RIMS1: variants seen among roughly 807,000 people sequenced by gnomAD.
The protein encoded by RIMS1 is regulating synaptic membrane exocytosis protein 1.
A neutral mutation model predicts 214.1 loss-of-function variants in RIMS1; 83 were observed. The ratio of observed to expected loss-of-function variants is 0.39; its 90% CI spans 0.32 to 0.47. The LOEUF (loss-of-function observed/expected upper bound fraction) is 0.47. RIMS1 is among the 20% of genes least tolerant of loss of function. The probability of loss-of-function intolerance (pLI) is 0.99; values close to 1 mark genes in which losing one functional copy is unlikely to be tolerated. For missense variants in RIMS1, 2,050 were observed against 2,161.8 expected (o/e 0.95, Z 1.03); for synonymous variants, 793 against 786.8 (o/e 1.01, Z -0.13).
chr6:72,290,929 C>T, intron 25 of RIMS1, 68 bp downstream of exon 25: 1 of 1,429,218 alleles, frequency 7.0e-7, no homozygotes, highest in South Asian at 1.3e-5. Flanking sequence ...GTTGTACCTT[C>T]CTGAGCACTT....
At chr6:72,250,896 T>C in intron 13 of RIMS1, 25 bp from the exon 14 acceptor site, 2 of 1,394,080 alleles carry the variant, frequency 1.4e-6, no homozygotes. Context: ...TGCTTTTTCA[T>C]TTACAAAACA....
intron 6 of RIMS1, among the ~76,000 whole-genome samples, chr6:72,188,674 T>C (rs1325142875): frequency 6.6e-6 from 1 of 152,174 alleles, no homozygotes; most frequent in Non-Finnish European, 1.5e-5. Context: ...CAGTTTGTGG[T>C]TTTTTACCTG....
In RIMS1 at chr6:72,263,594, T is replaced by C. The variant is rs188247137; in HGVS notation, c.3117-1381T>C. 1.3e-5 allele frequency: 13 copies of C among 985,252 alleles called. No individual in the cohort carries two copies. The African/African-American group carries it at 1.9e-4, about 15-fold the overall frequency. The allele number at this position is 985,252 out of a possible 1,614,324, so 61.0% of individuals were successfully genotyped here. On this transcript the variant is annotated intron_variant, in intron 19 of 33. Coordinates refer to ENST00000521978, the MANE Select transcript of RIMS1 (RefSeq NM_014989.7). ...ACTTTTGAAGCAATGCTTAGAAAAGTTTTATAGCAACCTATTACTAAAGAT... is the reference window on the plus strand; with the variant it reads ...ACTTTTGAAGCAATGCTTAGAAAAGCTTTATAGCAACCTATTACTAAAGAT...
chr6:72,339,231 C>G (rs1400626505), intron 29 of RIMS1, among the ~76,000 whole-genome samples: 1 of 151,712 alleles, frequency 6.6e-6, no homozygotes, highest in African/African-American at 2.4e-5. Context: ...CAAGGAAGGA[C>G]TTTGCACAAC....
intron 2 of RIMS1, among the ~76,000 whole-genome samples, chr6:72,040,828 T>C (rs1382647321): frequency 6.6e-6 from 1 of 151,932 alleles, no homozygotes; most frequent in Non-Finnish European, 1.5e-5. Flanking sequence ...AAATTTGAAC[T>C]TTAATTTTAT....
At chr6:72,263,563 A>C in intron 19 of RIMS1, 1 of 985,386 alleles carries the variant, frequency 1.0e-6, no homozygotes, top group Non-Finnish European at 1.2e-6. Flanking sequence ...TCTTGAAAAA[A>C]AAATCACTTT....
At chr6:72,118,139 T>C (rs2037454943) in intron 4 of RIMS1, among the ~76,000 whole-genome samples, 1 of 150,136 alleles carries the variant, frequency 6.7e-6, no homozygotes, top group African/African-American at 2.4e-5. Flanking sequence ...AAAGCTACTA[T>C]AAAAACCATT....
At chr6:72,029,489 A>C (rs147902581) in intron 2 of RIMS1, among the ~76,000 whole-genome samples, 121 of 152,274 alleles carry the variant, frequency 7.9e-4, no homozygotes, top group African/African-American at 2.7e-3. Flanking sequence ...CTGACATGTA[A>C]GGACACAGCA....
chr6:71,887,546 G>C (rs1011121727), intron 1 of RIMS1, among the ~76,000 whole-genome samples: 3 of 152,284 alleles, frequency 2.0e-5, no homozygotes, highest in South Asian at 2.1e-4. Flanking sequence ...AGCAGGTTAG[G>C]GGGCAGGGGA....
intron 23 of RIMS1, among the ~76,000 whole-genome samples, chr6:72,275,067 A>G (rs1298086431): frequency 1.4e-5 from 2 of 144,876 alleles, no homozygotes; most frequent in Non-Finnish European, 3.0e-5. Flanking sequence ...TATATTTTCC[A>G]TTACTTTGTT....
intron 29 of RIMS1, among the ~76,000 whole-genome samples, chr6:72,342,206 T>C (rs1438431884): frequency 6.6e-6 from 1 of 151,858 alleles, no homozygotes; most frequent in Non-Finnish European, 1.5e-5. Context: ...ACTGTCAACT[T>C]GCTGCCCACT....
intron 6 of RIMS1, among the ~76,000 whole-genome samples, chr6:72,231,750 A>T (rs1488409377): frequency 6.6e-6 from 1 of 151,674 alleles, no homozygotes; most frequent in Non-Finnish European, 1.5e-5. Flanking sequence ...TCACCATTGA[A>T]TCTTACCCAG....
chr6:72,313,891 T>C (rs2095634913), intron 28 of RIMS1, among the ~76,000 whole-genome samples: 3 of 152,234 alleles, frequency 2.0e-5, no homozygotes, highest in Admixed American at 2.0e-4. Flanking sequence ...CTGAGTCACA[T>C]TTGTAGTAGT....
intron 22 of RIMS1, 100 bp from the exon 23 acceptor site, chr6:72,274,249 T>A: frequency 2.8e-6 from 2 of 701,812 alleles, no homozygotes; most frequent in Non-Finnish European, 4.9e-6. Flanking sequence ...ACACTTTGCC[T>A]TTATGGGGTG....
At chr6:72,138,803 C>A (rs1385944010) in intron 4 of RIMS1, among the ~76,000 whole-genome samples, 1 of 152,010 alleles carries the variant, frequency 6.6e-6, no homozygotes. Context: ...ACTAATAACA[C>A]CCAGTGTTGT....
intron 4 of RIMS1, among the ~76,000 whole-genome samples, chr6:72,148,411 C>G (rs2043040541): frequency 6.6e-6 from 1 of 152,152 alleles, no homozygotes; most frequent in Admixed American, 6.5e-5. Flanking sequence ...CCCATTTTCT[C>G]TTCTATCCTT....
At chr6:72,123,914 G>A (rs1423274968) in intron 4 of RIMS1, among the ~76,000 whole-genome samples, 2 of 151,816 alleles carry the variant, frequency 1.3e-5, no homozygotes, top group African/African-American at 4.8e-5. Flanking sequence ...GATGGGTCTT[G>A]ACTCTTTATC....
chr6:71,984,383 C>T (rs1799301024), intron 2 of RIMS1, among the ~76,000 whole-genome samples: 2 of 151,706 alleles, frequency 1.3e-5, no homozygotes, highest in South Asian at 2.1e-4. Context: ...GCTGGAGCTA[C>T]ACTGTGACAA....
chr6:72,254,467 A>G (rs2074919526), intron 16 of RIMS1, among the ~76,000 whole-genome samples: 1 of 152,210 alleles, frequency 6.6e-6, no homozygotes, highest in East Asian at 1.9e-4. Context: ...GGATATTCAA[A>G]TAGGAATTAG....
Sources: gnomAD v4.1 joint callset for allele counts (sites outside exome capture counted in the v4.1 genomes callset) on GRCh38, gnomAD v4.1.1 for gene constraint, MANE v1.5 for transcripts, NCBI Gene and HGNC (gene_info 2026-07-23, HGNC 2026-07-21) for gene names.